Variants in EFHD1 observed in about 807,000 individuals in gnomAD.
EFHD1 encodes EF-hand domain family member D1.
A neutral mutation model predicts 17.2 loss-of-function variants in EFHD1; 10 were observed. That is an observed-to-expected ratio of 0.58 (90% CI 0.36 to 0.99). The LOEUF is 0.99. Ranked by LOEUF, EFHD1 falls within the 50% of genes least tolerant of loss-of-function variation. EFHD1 has a pLI of 0.01. For missense variants in EFHD1, 310 were observed against 327.5 expected, an observed-to-expected ratio of 0.95 and a Z score of 0.41; for synonymous variants, 153 against 142.0, an observed-to-expected ratio of 1.08 and a Z score of -0.55.
chr2:232,662,238 T>C (rs1048277415), intron 1 of EFHD1, among the ~76,000 whole-genome samples: 2 of 151,952 alleles, frequency 1.3e-5, no homozygotes, highest in Non-Finnish European at 2.9e-5. Context: ...CGTTCAGAGC[T>C]GGAGACAAGA....
At chr2:232,638,422 G>A (rs1399230981) in intron 1 of EFHD1, 1 of 471,198 alleles carries the variant, frequency 2.1e-6, no homozygotes, top group Non-Finnish European at 4.4e-6. Context: ...AAACGGTGAT[G>A]TCATGGATGT....
chr2:232,660,217 C>A (rs1490657799), intron 1 of EFHD1, among the ~76,000 whole-genome samples: 8 of 149,364 alleles, frequency 5.4e-5, no homozygotes, highest in African/African-American at 2.0e-4. Flanking sequence ...TTTTTTGAGG[C>A]GGAATCTTGC....
intron 1 of EFHD1, among the ~76,000 whole-genome samples, chr2:232,619,970 A>G (rs1354362260): frequency 1.3e-5 from 2 of 152,180 alleles, no homozygotes; most frequent in African/African-American, 2.4e-5. Flanking sequence ...ATGAGCCACT[A>G]TCGTATCAGC....
intron 1 of EFHD1, among the ~76,000 whole-genome samples, chr2:232,639,489 A>ACT (rs1224529830): frequency 2.0e-5 from 3 of 149,838 alleles, no homozygotes; most frequent in South Asian, 2.1e-4. Flanking sequence ...GCCTGGCCAG[A>ACT]CTCTCTCTCT....
rs561122181 is a variant in EFHD1 at position 232,671,164 on chromosome 2, G to A, written c.451-1145G>A. ...AAAGTGCCCATCAAGGCCAGGCACA[G>A]TGCCTCACACCTGTAATTTCAGCAC... On this transcript the variant is annotated intron_variant, in intron 2 of 3. Transcript: ENST00000264059. Among the ~76,000 whole-genome samples, 5 of 152,246 alleles carry A rather than the reference G, an allele frequency of 3.3e-5. No individual in the cohort carries two copies. In the East Asian group the frequency reaches 7.7e-4, roughly 23 times the overall value.
At chr2:232,623,791 G>T (rs2106187940) in intron 1 of EFHD1, among the ~76,000 whole-genome samples, 1 of 152,184 alleles carries the variant, frequency 6.6e-6, no homozygotes, top group Non-Finnish European at 1.5e-5. Flanking sequence ...AGTCCTTCCT[G>T]CCTGCGTGAG....
chr2:232,638,424 C>G (rs1694358886), intron 1 of EFHD1: 1 of 471,058 alleles, frequency 2.1e-6, no homozygotes. Context: ...ACGGTGATGT[C>G]ATGGATGTCC....
intron 3 of EFHD1, among the ~76,000 whole-genome samples, chr2:232,678,498 A>G (rs1490800243): frequency 6.6e-6 from 1 of 152,122 alleles, no homozygotes; most frequent in African/African-American, 2.4e-5. Context: ...CGATAAAAGA[A>G]TATTGGCCGG....
chr2:232,680,082 G>A (rs983163535), intron 3 of EFHD1, among the ~76,000 whole-genome samples: 2 of 152,086 alleles, frequency 1.3e-5, no homozygotes, highest in Admixed American at 6.6e-5. Flanking sequence ...AGACCAGCCC[G>A]GGCAACGTGG....
rs923965498 is a variant in EFHD1 at position 232,608,696 on chromosome 2, G to A, written c.14+2523G>A. Among the ~76,000 whole-genome samples, 6 of 151,948 alleles carry A rather than the reference G, an allele frequency of 3.9e-5. No individual in the cohort carries two copies. The East Asian group carries it at 5.9e-4, about 15-fold the overall frequency. Reference sequence around the variant, plus strand: ...CTGTAATGCCAGCACTTTGAGAGGCGGAGGCGGGCGGAAAATGAGGTCAGG... The same window carrying A: ...CTGTAATGCCAGCACTTTGAGAGGCAGAGGCGGGCGGAAAATGAGGTCAGG... On this transcript the variant is annotated intron_variant, in intron 1 of 3. Coordinates refer to the EFHD1 transcript ENST00000409613.
At chr2:232,643,118 C>T (rs1694462798) in intron 1 of EFHD1, among the ~76,000 whole-genome samples, 1 of 150,800 alleles carries the variant, frequency 6.6e-6, no homozygotes, top group African/African-American at 2.4e-5. Context: ...TCAGCTGCGA[C>T]AAAATCCAGA....
intron 3 of EFHD1, among the ~76,000 whole-genome samples, chr2:232,675,467 C>G (rs999016171): frequency 6.6e-6 from 1 of 152,070 alleles, no homozygotes; most frequent in South Asian, 2.1e-4. Flanking sequence ...GGCCTTCCCC[C>G]GACTGCTGAG....
intron 1 of EFHD1, among the ~76,000 whole-genome samples, chr2:232,656,112 G>C (rs972800177): frequency 6.6e-6 from 1 of 152,014 alleles, no homozygotes; most frequent in Non-Finnish European, 1.5e-5. Context: ...GGCCTGTGTG[G>C]GGTCTTAAGT....
intron 1 of EFHD1, among the ~76,000 whole-genome samples, chr2:232,614,773 C>T (rs1046377123): frequency 1.3e-5 from 2 of 152,088 alleles, no homozygotes; most frequent in Non-Finnish European, 2.9e-5. Flanking sequence ...CCCTGGAGTT[C>T]GAGACCAGCC....
chr2:232,655,876 G>A (rs984134757), intron 1 of EFHD1, among the ~76,000 whole-genome samples: 1 of 148,184 alleles, frequency 6.7e-6, no homozygotes, highest in Non-Finnish European at 1.5e-5. Flanking sequence ...GCACGACCTC[G>A]GCTTACTGCA....
chr2:232,672,365 G>C lies in EFHD1; in HGVS notation c.507G>C (p.Leu169=). The C allele has an allele frequency of 6.2e-7, 1 of 1,614,178 alleles. No individual in the cohort carries two copies. Among genetic ancestry groups the C allele is most frequent in the Non-Finnish European group, 8.5e-7 (1 of 1,180,032 alleles). The change falls in exon 3 of 4, where the codon CTG becomes CTC. Residue 169 remains leucine, a synonymous_variant. Coordinates refer to ENST00000264059, the MANE Select transcript of EFHD1 (RefSeq NM_025202.4). ...GGGAGCTGCAGGAGGACAGTGGGCTGATGGCGCTGGCAAAGCTTTCTGAGA... is the reference window on the plus strand; with the variant it reads ...GGGAGCTGCAGGAGGACAGTGGGCTCATGGCGCTGGCAAAGCTTTCTGAGA... ...AAGELQEDSG[L]MALAKLSEID...
chr2:232,621,123 A>T (rs1430423252), intron 1 of EFHD1, among the ~76,000 whole-genome samples: 1 of 152,216 alleles, frequency 6.6e-6, no homozygotes, highest in Non-Finnish European at 1.5e-5. Context: ...TGCTGTTTCC[A>T]AACCACCCTG....
At chr2:232,668,015 A>G (rs1694998593) in intron 2 of EFHD1, among the ~76,000 whole-genome samples, 1 of 152,234 alleles carries the variant, frequency 6.6e-6, no homozygotes, top group Non-Finnish European at 1.5e-5. Context: ...TATCAGAAGC[A>G]TCCATAGCTT....
At chr2:232,610,141 C>A (rs1321524736) in intron 1 of EFHD1, among the ~76,000 whole-genome samples, 1 of 152,208 alleles carries the variant, frequency 6.6e-6, no homozygotes, top group African/African-American at 2.4e-5. Flanking sequence ...GAAATGGGGA[C>A]CCTTCAGACA....
Sources: gnomAD v4.1 joint callset for allele counts (sites outside exome capture counted in the v4.1 genomes callset) on GRCh38, gnomAD v4.1.1 for gene constraint, MANE v1.5 for transcripts, NCBI Gene and HGNC (gene_info 2026-07-23, HGNC 2026-07-21) for gene names.